NBEA: variants seen among roughly 807,000 people sequenced by gnomAD.
NBEA encodes lysosomal-trafficking regulator 2.
In NBEA, 44 loss-of-function variants were observed where a neutral mutation model predicts 343.4. That is an observed-to-expected ratio of 0.13 (90% confidence interval 0.10 to 0.16). NBEA has a LOEUF of 0.16. Ranked by LOEUF, NBEA falls within the 10% of genes least tolerant of loss-of-function variation. The probability of loss-of-function intolerance (pLI) is 1.00; values close to 1 mark genes in which losing one functional copy is unlikely to be tolerated. For synonymous variants in NBEA, 1,175 were observed against 1,238.7 expected (o/e 0.95, Z 1.08); for missense variants, 2,555 against 3,631.3 (o/e 0.70, Z 7.62).
chr13:35,345,488 G>A (rs1017754152), intron 36 of NBEA, among the ~76,000 whole-genome samples: 1 of 151,886 alleles, frequency 6.6e-6, no homozygotes, highest in Non-Finnish European at 1.5e-5. Flanking sequence ...AAAGACATTC[G>A]TGTCGCCTCT....
intron 40 of NBEA, among the ~76,000 whole-genome samples, chr13:35,452,598 G>A (rs2046364398): frequency 6.6e-6 from 1 of 152,092 alleles, no homozygotes; most frequent in Non-Finnish European, 1.5e-5. Context: ...AAGAGCCAAG[G>A]TCCTTTTCCC....
chr13:35,572,111 C>T (rs986441076), intron 45 of NBEA, among the ~76,000 whole-genome samples: 1 of 152,186 alleles, frequency 6.6e-6, no homozygotes, highest in Admixed American at 6.5e-5. Context: ...ATCTTTTCAA[C>T]ACCAACCAAC....
chr13:35,324,829 G>A (rs1051881640), intron 36 of NBEA, among the ~76,000 whole-genome samples: 2 of 152,056 alleles, frequency 1.3e-5, no homozygotes, highest in South Asian at 2.1e-4. Context: ...GGTTTCTTTT[G>A]AGAGAGAGGA....
chr13:35,079,041 C>T (rs926825798), intron 10 of NBEA, among the ~76,000 whole-genome samples: 1 of 151,908 alleles, frequency 6.6e-6, no homozygotes, highest in African/African-American at 2.4e-5. Flanking sequence ...AAACAAAAAA[C>T]AAAACCTACT....
intron 35 of NBEA, among the ~76,000 whole-genome samples, chr13:35,308,944 A>G (rs1047305717): frequency 6.6e-6 from 1 of 151,712 alleles, no homozygotes; most frequent in African/African-American, 2.4e-5. Context: ...GTTATCTATT[A>G]CATATTTAGC....
intron 18 of NBEA, among the ~76,000 whole-genome samples, chr13:35,153,564 A>G (rs971444479): frequency 2.0e-5 from 3 of 152,312 alleles, no homozygotes; most frequent in Non-Finnish European, 4.4e-5. Context: ...AAACCTTTAT[A>G]TTTGAATATG....
At chr13:35,121,345 A>G (rs2066786364) in intron 16 of NBEA, among the ~76,000 whole-genome samples, 1 of 152,050 alleles carries the variant, frequency 6.6e-6, no homozygotes, top group South Asian at 2.1e-4. Context: ...GCGCTCAGGC[A>G]GTCTGCCCAC....
chr13:35,214,623 T>C (rs1386045058), intron 33 of NBEA, among the ~76,000 whole-genome samples: 1 of 151,764 alleles, frequency 6.6e-6, no homozygotes, highest in Non-Finnish European at 1.5e-5. Context: ...CAGTCTAGAA[T>C]TTTTTGTTCC....
chr13:35,448,146 A>T (rs996226447), intron 39 of NBEA, among the ~76,000 whole-genome samples: 1 of 152,186 alleles, frequency 6.6e-6, no homozygotes, highest in South Asian at 2.1e-4. Flanking sequence ...AGTTTACTAT[A>T]TATCTTTTAA....
chr13:35,263,864 T>C (rs1282231248), intron 34 of NBEA, among the ~76,000 whole-genome samples: 1 of 151,228 alleles, frequency 6.6e-6, no homozygotes, highest in Non-Finnish European at 1.5e-5. Flanking sequence ...CCTCAAAGAA[T>C]TAGAAAAACG....
In NBEA at chr13:35,220,594, C is replaced by T. The variant is rs140507606; in HGVS notation, c.5648+9415C>T. Among the ~76,000 whole-genome samples the T allele has an allele frequency of 1.5e-3, 228 of 152,100 alleles. 1 individual carries two copies. Among genetic ancestry groups the T allele is most frequent in the African/African-American group, 5.0e-3 (209 of 41,500 alleles). On this transcript the variant is annotated intron_variant, in intron 33 of 58. Transcript: ENST00000379939. ...TTTATTTTATAGGTTAATTCCTAGTCATATTGTTTCTGTTCTCCACTCCAA... is the reference window on the plus strand; with the variant it reads ...TTTATTTTATAGGTTAATTCCTAGTTATATTGTTTCTGTTCTCCACTCCAA...
In NBEA at chr13:35,526,756, G is replaced by A. The variant is rs117102673; in HGVS notation, c.6586-23721G>A. The stretch of plus-strand genomic sequence containing the variant: ...ACAGAGTGGTGAAGAATGTGTGAGC[G>A]AGTGCATGGTCCGGCCACCGTGCAC... On this transcript the variant is annotated intron_variant, in intron 41 of 58. Coordinates refer to ENST00000379939, the MANE Select transcript of NBEA (RefSeq NM_001385012.1). 6.0e-3 allele frequency among the ~76,000 whole-genome samples: 909 copies of A among 152,302 alleles called. 3 individuals are homozygous for A. The highest frequency in any genetic ancestry group is 0.014 in the Middle Eastern group (4 of 294).
chr13:35,171,322 A>G lies in NBEA; in HGVS notation c.4293A>G (p.Ala1431=), dbSNP rs766615009. The G allele has an allele frequency of 3.7e-6, 6 of 1,612,432 alleles. No individual in the cohort carries two copies. The highest frequency in any genetic ancestry group is 3.3e-5 in the South Asian group (3 of 91,000). Residue 1431 remains alanine (A), a synonymous_variant, in exon 26 of 59, where the codon GCA becomes GCG. Transcript: ENST00000379939. The part of the protein sequence containing the change: ...EVTQGMSAET[A]VTFLSRLMAM... ...CACAAGGCATGTCAGCTGAGACAGCAGTAACTTTCCTCAGCCGGCTGATGG... is the reference window on the plus strand; with the variant it reads ...CACAAGGCATGTCAGCTGAGACAGCGGTAACTTTCCTCAGCCGGCTGATGG...
chr13:35,167,901 G>C (rs1328790624), intron 24 of NBEA, among the ~76,000 whole-genome samples: 3 of 151,810 alleles, frequency 2.0e-5, no homozygotes, highest in Non-Finnish European at 4.4e-5. Flanking sequence ...CCAGAACACT[G>C]AATATTATGG....
At chr13:35,357,069 C>A (rs565845874) in intron 38 of NBEA, among the ~76,000 whole-genome samples, 6 of 152,208 alleles carry the variant, frequency 3.9e-5, no homozygotes, top group Admixed American at 3.3e-4. Context: ...GTGCATAGAA[C>A]TCTGCATATA....
chr13:35,349,220 A>C lies in NBEA; in HGVS notation c.6012+4A>C. ...ACATAAACATGCAGAGTTTGAGGTA[A>C]GGTTTTGGGAGTAGACTAAATTCTG... is the stretch of plus-strand genomic sequence containing the variant. On this transcript the variant is annotated splice_donor_region_variant and intron_variant, in intron 37 of 58. Transcript: ENST00000379939. 1 of 1,541,318 alleles carries C rather than the reference A, an allele frequency of 6.5e-7. No homozygotes were observed. Among genetic ancestry groups the C allele is most frequent in the South Asian group, 1.2e-5 (1 of 83,790 alleles).
At chr13:35,304,109 G>C (rs1804228858) in intron 35 of NBEA, among the ~76,000 whole-genome samples, 1 of 152,142 alleles carries the variant, frequency 6.6e-6, no homozygotes, top group African/African-American at 2.4e-5. Flanking sequence ...AAATGAGAAA[G>C]TGACACAGTC....
chr13:35,274,061 A>T (rs1349515124), intron 34 of NBEA, among the ~76,000 whole-genome samples: 1 of 152,214 alleles, frequency 6.6e-6, no homozygotes, highest in Non-Finnish European at 1.5e-5. Context: ...AGACACAACA[A>T]AAAAAGAATT....
intron 36 of NBEA, among the ~76,000 whole-genome samples, chr13:35,310,114 A>G (rs1284938277): frequency 6.6e-6 from 1 of 152,146 alleles, no homozygotes; most frequent in Admixed American, 6.6e-5. Context: ...TAAATGGTTA[A>G]AATCGCAGTG....
Sources: allele counts gnomAD v4.1 joint callset (sites outside exome capture counted in the v4.1 genomes callset), GRCh38; gene constraint gnomAD v4.1.1; transcripts MANE v1.5; gene names NCBI Gene and HGNC (gene_info 2026-07-23, HGNC 2026-07-21).